GPC5: variants seen among roughly 807,000 people sequenced by gnomAD.
GPC5 encodes the protein glypican-5.
In GPC5, 47 loss-of-function variants were observed where a neutral mutation model predicts 53.9. That is an observed-to-expected ratio of 0.87 (90% CI 0.69 to 1.11). The LOEUF is 1.11. GPC5 is among the 50% of genes most tolerant of loss of function. The pLI, the probability that GPC5 is intolerant of heterozygous loss-of-function variation, is 0.00. For missense variants in GPC5, 748 were observed against 713.1 expected (o/e 1.05, Z -0.56); for synonymous variants, 286 against 263.3 (o/e 1.09, Z -0.84).
intron 6 of GPC5, among the ~76,000 whole-genome samples, chr13:92,003,325 C>CAAAAAA (rs57075719): frequency 2.3e-4 from 23 of 100,144 alleles, no homozygotes; most frequent in African/African-American, 4.4e-4. Flanking sequence ...TGTCTTAACA[C>CAAAAAA]AAAAAAAAAA....
chr13:91,456,832 A>ATT (rs67560339), intron 2 of GPC5, among the ~76,000 whole-genome samples: 11,348 of 143,200 alleles, frequency 0.079, 562 homozygotes, highest in East Asian at 0.18. Flanking sequence ...TGAATATGGG[A>ATT]TTTTTTTTTT....
At chr13:91,488,930 G>C (rs962670605) in intron 2 of GPC5, among the ~76,000 whole-genome samples, 6 of 152,222 alleles carry the variant, frequency 3.9e-5, no homozygotes, top group African/African-American at 1.4e-4. Context: ...CTCGAAAATG[G>C]CCGCTTTGGG....
At chr13:91,664,488 A>G (rs1231929084) in intron 2 of GPC5, among the ~76,000 whole-genome samples, 1 of 152,108 alleles carries the variant, frequency 6.6e-6, no homozygotes, top group Non-Finnish European at 1.5e-5. Flanking sequence ...TTCTGTTTTG[A>G]GTTTTATTTT....
Position 92,093,276 on chromosome 13 carries a change from A to G in GPC5, c.1402-51554A>G, listed in dbSNP as rs1425447504. Among the ~76,000 whole-genome samples the G allele has an allele frequency of 7.9e-5, 12 of 152,258 alleles. 1 individual carries two copies. The East Asian group carries it at 2.3e-3, about 29-fold the overall frequency. ...GAGACAGAACAGAAAAGCAGTCACCAAGTTTATCAGTTAAGTCGGTATTAT... is the reference window on the plus strand; with the variant it reads ...GAGACAGAACAGAAAAGCAGTCACCGAGTTTATCAGTTAAGTCGGTATTAT... On this transcript the variant is annotated intron_variant, in intron 6 of 7. Coordinates refer to ENST00000377067, the MANE Select transcript of GPC5 (RefSeq NM_004466.6).
chr13:92,592,108 A>C (rs1883731499), intron 7 of GPC5, among the ~76,000 whole-genome samples: 1 of 152,222 alleles, frequency 6.6e-6, no homozygotes, highest in African/African-American at 2.4e-5. Flanking sequence ...GAATACACCA[A>C]GTGTGTAAAG....
intron 7 of GPC5, among the ~76,000 whole-genome samples, chr13:92,825,336 T>C (rs1877809548): frequency 6.6e-6 from 1 of 152,170 alleles, no homozygotes; most frequent in Admixed American, 6.6e-5. Context: ...ATTTTACATG[T>C]ACTAGAGTTT....
chr13:92,088,884 C>T (rs1488537481), intron 6 of GPC5, among the ~76,000 whole-genome samples: 1 of 152,024 alleles, frequency 6.6e-6, no homozygotes, highest in Non-Finnish European at 1.5e-5. Context: ...AAAACAAGAA[C>T]AATGTGATAG....
intron 6 of GPC5, among the ~76,000 whole-genome samples, chr13:92,054,231 AC>A (rs1168531385): frequency 6.6e-6 from 1 of 151,762 alleles, no homozygotes; most frequent in African/African-American, 2.4e-5. Flanking sequence ...TTAAGCACAC[AC>A]ACACACAAAA....
intron 7 of GPC5, among the ~76,000 whole-genome samples, chr13:92,237,284 A>G (rs2042577652): frequency 6.6e-6 from 1 of 152,114 alleles, no homozygotes; most frequent in South Asian, 2.1e-4. Flanking sequence ...CAGTGGCGTA[A>G]TCTCAGCTCA....
chr13:91,801,318 G>T (rs1324262754), intron 5 of GPC5, among the ~76,000 whole-genome samples: 2 of 148,600 alleles, frequency 1.3e-5, no homozygotes, highest in South Asian at 2.2e-4. Flanking sequence ...CAGAATGTTT[G>T]GTCTGTTTAA....
At chr13:92,137,872 G>C (rs1009683846) in intron 6 of GPC5, among the ~76,000 whole-genome samples, 1 of 152,150 alleles carries the variant, frequency 6.6e-6, no homozygotes. Flanking sequence ...GGGGTTTTAA[G>C]TTTTAAAAAA....
At chr13:92,572,366 C>G (rs1446343976) in intron 7 of GPC5, among the ~76,000 whole-genome samples, 1 of 152,104 alleles carries the variant, frequency 6.6e-6, no homozygotes, top group Non-Finnish European at 1.5e-5. Flanking sequence ...CATTTTTTAA[C>G]GGTATCACCT....
intron 7 of GPC5, among the ~76,000 whole-genome samples, chr13:92,412,954 TA>T (rs1876114388): frequency 6.6e-6 from 1 of 152,214 alleles, no homozygotes; most frequent in Non-Finnish European, 1.5e-5. Flanking sequence ...TCTTCATTAA[TA>T]GACACATTAC....
At chr13:91,405,394 C>A (rs1191210947) in intron 1 of GPC5, among the ~76,000 whole-genome samples, 1 of 152,192 alleles carries the variant, frequency 6.6e-6, no homozygotes, top group African/African-American at 2.4e-5. Flanking sequence ...GGGAGACAAA[C>A]TTGTCCTCGT....
chr13:91,437,990 C>T (rs1318922474), intron 1 of GPC5, among the ~76,000 whole-genome samples: 1 of 152,124 alleles, frequency 6.6e-6, no homozygotes, highest in Non-Finnish European at 1.5e-5. Context: ...TCACGTAGTT[C>T]TCGTGCCTTG....
intron 7 of GPC5, among the ~76,000 whole-genome samples, chr13:92,236,513 T>C (rs1376583146): frequency 6.6e-6 from 1 of 152,106 alleles, no homozygotes; most frequent in African/African-American, 2.4e-5. Context: ...TGTGGAACTG[T>C]AACTGAACTT....
At chr13:92,164,043 G>A (rs59873335) in intron 7 of GPC5, among the ~76,000 whole-genome samples, 1,830 of 152,160 alleles carry the variant, frequency 0.012, 53 homozygotes, top group African/African-American at 0.041. Context: ...AAGAGCACAG[G>A]GGAACTGCAC....
chr13:91,489,261 A>G (rs1301367167), intron 2 of GPC5, among the ~76,000 whole-genome samples: 1 of 152,150 alleles, frequency 6.6e-6, no homozygotes, highest in East Asian at 1.9e-4. Flanking sequence ...AAAATCACTA[A>G]TAAAAACTTG....
At chr13:91,404,585 A>C (rs1594042234) in intron 1 of GPC5, among the ~76,000 whole-genome samples, 1 of 152,196 alleles carries the variant, frequency 6.6e-6, no homozygotes, top group Non-Finnish European at 1.5e-5. Flanking sequence ...CACTAATGAG[A>C]TTGCCCAAAT....
Sources: gnomAD v4.1 joint callset for allele counts (sites outside exome capture counted in the v4.1 genomes callset) on GRCh38, gnomAD v4.1.1 for gene constraint, MANE v1.5 for transcripts, NCBI Gene and HGNC (gene_info 2026-07-23, HGNC 2026-07-21) for gene names.